URI1: variants seen among roughly 807,000 people sequenced by gnomAD.
URI1 encodes URI1 prefoldin like chaperone, also known as unconventional prefoldin RPB5 interactor 1.
A neutral mutation model predicts 60.2 loss-of-function variants in URI1; 39 were observed. The ratio of observed to expected loss-of-function variants is 0.65; its 90% CI spans 0.50 to 0.85. The LOEUF is 0.85. Ranked by LOEUF, URI1 falls within the 40% of genes least tolerant of loss-of-function variation. The pLI is 0.00. For missense variants in URI1, 691 were observed against 665.9 expected (o/e 1.04, Z -0.42); for synonymous variants, 251 against 236.8 (o/e 1.06, Z -0.55).
At chr19:30,007,754 A>G (rs1439370202) in intron 7 of URI1, 116 bp downstream of exon 7, 5 of 825,466 alleles carry the variant, frequency 6.1e-6, no homozygotes, top group African/African-American at 1.8e-5. Context: ...GCAGGGAAGC[A>G]TAATATATTA....
At chr19:29,968,963 T>C (rs1034675714) in intron 1 of URI1, among the ~76,000 whole-genome samples, 1 of 151,784 alleles carries the variant, frequency 6.6e-6, no homozygotes, top group African/African-American at 2.4e-5. Context: ...CTGCTTGGGC[T>C]TAAATCTTTT....
chr19:29,944,140 CATATATATATATATATATATAT>C (rs56329506), intron 1 of URI1, among the ~76,000 whole-genome samples: 620 of 37,142 alleles, frequency 0.017, 31 homozygotes, highest in African/African-American at 0.025. Context: ...CCCTGTCATT[CATATATATATATATATATATAT>C]ATATATATAT....
intron 1 of URI1, among the ~76,000 whole-genome samples, chr19:29,960,079 C>A (rs533773201): frequency 6.6e-6 from 1 of 152,040 alleles, no homozygotes; most frequent in East Asian, 1.9e-4. Context: ...GCTCATTGAC[C>A]CATAAATTGG....
At chr19:29,968,985 T>C (rs549472925) in intron 1 of URI1, among the ~76,000 whole-genome samples, 1 of 152,004 alleles carries the variant, frequency 6.6e-6, no homozygotes, top group African/African-American at 2.4e-5. Flanking sequence ...TGCAAGTAGG[T>C]GGACCATAAA....
exon 1 of URI1, chr19:29,923,657 A>G (rs569108656): frequency 1.2e-5 from 18 of 1,532,606 alleles, no homozygotes; most frequent in Non-Finnish European, 1.5e-5. Flanking sequence ...GGGTCTTCTC[A>G]CTCTTTTCCA....
chr19:29,976,752 C>T (rs573778667), intron 2 of URI1, among the ~76,000 whole-genome samples: 2 of 152,184 alleles, frequency 1.3e-5, no homozygotes, highest in South Asian at 2.1e-4. Flanking sequence ...AATCGTAAAT[C>T]GTATGCATGT....
intron 1 of URI1, among the ~76,000 whole-genome samples, chr19:29,954,433 A>G (rs2055217512): frequency 6.6e-6 from 1 of 152,122 alleles, no homozygotes; most frequent in Non-Finnish European, 1.5e-5. Context: ...TCAAAATCAC[A>G]ACTAAATCAA....
At chr19:29,930,890 T>C (rs1043174084) in intron 1 of URI1, among the ~76,000 whole-genome samples, 11 of 148,776 alleles carry the variant, frequency 7.4e-5, no homozygotes, top group Non-Finnish European at 1.5e-4. Flanking sequence ...GTAGTTTTAG[T>C]ACAGACAGGG....
At chr19:30,001,586 C>T (rs2055878957) in intron 4 of URI1, among the ~76,000 whole-genome samples, 1 of 151,818 alleles carries the variant, frequency 6.6e-6, no homozygotes, top group Non-Finnish European at 1.5e-5. Context: ...GTTTGGGGAC[C>T]TGTTCTTTTC....
intron 1 of URI1, among the ~76,000 whole-genome samples, chr19:29,966,329 G>A (rs147462197): frequency 0.028 from 4,208 of 152,124 alleles, 98 homozygotes; most frequent in Non-Finnish European, 0.047. Context: ...GGTAGAGACG[G>A]GGTTTCACCA....
chr19:29,932,125 T>G (rs1223106152), intron 1 of URI1, among the ~76,000 whole-genome samples: 1 of 152,156 alleles, frequency 6.6e-6, no homozygotes, highest in East Asian at 1.9e-4. Flanking sequence ...CATCCTTGTC[T>G]TGTTCCCAAT....
intron 4 of URI1, among the ~76,000 whole-genome samples, chr19:29,994,197 C>G (rs2055782660): frequency 6.6e-6 from 1 of 152,114 alleles, no homozygotes; most frequent in Admixed American, 6.6e-5. Context: ...ACTGACTACA[C>G]CTTTGCCAAC....
At chr19:30,011,603 A>G (rs1257909556) in intron 9 of URI1, among the ~76,000 whole-genome samples, 6 of 151,640 alleles carry the variant, frequency 4.0e-5, no homozygotes, top group Non-Finnish European at 8.8e-5. Context: ...TCAGAGTAGA[A>G]ATTATACTGT....
At chr19:29,990,128 A>G (rs895337626) in intron 4 of URI1, among the ~76,000 whole-genome samples, 6 of 152,294 alleles carry the variant, frequency 3.9e-5, no homozygotes, top group African/African-American at 1.4e-4. Flanking sequence ...CTCCAATACT[A>G]TGTTGAAAAT....
At position 30,005,462 on chromosome 19, in the gene URI1, T is replaced by C; in HGVS notation, c.459+10T>C. 6.3e-7 allele frequency: 1 copy of C among 1,580,518 alleles called. No individual in the cohort carries two copies. Among genetic ancestry groups the C allele is most frequent in the African/African-American group, 1.4e-5 (1 of 73,048 alleles). On this transcript the variant is annotated intron_variant, in intron 5 of 10. Coordinates refer to ENST00000392271, the MANE Select transcript of URI1 (RefSeq NM_003796.3). ...GCAGAAAATGAGCGATGTGAGTATT[T>C]GTTTTTAGTCTTCTATATTTTTAGA... is the stretch of plus-strand genomic sequence containing the variant.
intron 1 of URI1, among the ~76,000 whole-genome samples, chr19:29,934,231 T>C (rs1227029575): frequency 1.3e-5 from 2 of 152,144 alleles, no homozygotes; most frequent in Non-Finnish European, 2.9e-5. Context: ...CCACCATGCC[T>C]GGCCTTATTC....
intron 1 of URI1, 30 bp downstream of exon 1, chr19:29,942,694 T>C (rs2055046695): frequency 1.5e-6 from 2 of 1,341,408 alleles, no homozygotes; most frequent in Non-Finnish European, 9.6e-7. Flanking sequence ...CGCTTCCGCC[T>C]CCGCCCGCCG....
intron 4 of URI1, among the ~76,000 whole-genome samples, chr19:29,993,951 T>C (rs1338844568): frequency 6.6e-6 from 1 of 152,196 alleles, no homozygotes; most frequent in East Asian, 1.9e-4. Flanking sequence ...TTCATGGCTA[T>C]ATAGTATTAT....
At chr19:29,929,194 C>A (rs1045539869) in intron 1 of URI1, among the ~76,000 whole-genome samples, 2 of 152,166 alleles carry the variant, frequency 1.3e-5, no homozygotes, top group African/African-American at 4.8e-5. Context: ...TTGTAAGAAA[C>A]TGCCAAACTG....
Sources: gnomAD v4.1 joint callset for allele counts (sites outside exome capture counted in the v4.1 genomes callset) on GRCh38, gnomAD v4.1.1 for gene constraint, MANE v1.5 for transcripts, NCBI Gene and HGNC (gene_info 2026-07-23, HGNC 2026-07-21) for gene names.